Variants in SMIM27 observed in about 807,000 individuals in gnomAD.
The protein encoded by SMIM27 is TOPORS antisense RNA 1 (non-protein coding).
Under a neutral mutation model 1.8 loss-of-function variants are expected in SMIM27, and 3 were observed. The observed-to-expected ratio is 1.65, with a 90% CI of 0.75 to 4.28. The LOEUF is 4.28. Ranked by LOEUF, SMIM27 falls within the 30% of genes most tolerant of loss-of-function variation. The pLI is 0.02. For missense variants in SMIM27, 63 were observed against 37.0 expected (o/e 1.70, Z -1.83); for synonymous variants, 19 against 13.9 (o/e 1.37, Z -0.82).
At chr9:32,551,626 G>T, upstream of SMIM27, 2 of 266,720 alleles carry the variant, frequency 7.5e-6, no homozygotes, top group East Asian at 1.6e-4. Flanking sequence ...AGCCTAAGCG[G>T]CCCGTTGCCA....
chr9:32,566,458 C>T lies in SMIM27; in HGVS notation c.*5C>T, dbSNP rs1463448277. 1.8e-5 allele frequency: 15 copies of T among 812,932 alleles called. No individual in the cohort carries two copies. In the South Asian group the frequency reaches 2.0e-4, roughly 11 times the overall value. The allele number at this position is 812,932 out of a possible 1,614,324, so 50.4% of individuals were successfully genotyped here. A position where few individuals can be genotyped will look rare whatever the true frequency, so the allele number is the denominator to read the frequency against. On this transcript the variant is annotated 3_prime_UTR_variant, in exon 2 of 2. Transcript: ENST00000451672. ...GGGGTTGATGGAGTATCTTGACAAG[C>T]AGCCGTCCATGTCGAAGGGACCCTG... is the stretch of plus-strand genomic sequence containing the variant.
chr9:32,553,153 A>C, downstream of SMIM27: 1 of 408,302 alleles, frequency 2.4e-6, no homozygotes, highest in Middle Eastern at 6.6e-4. Context: ...AGTTGGAATA[A>C]GCTTTTCAAT....
intron 1 of SMIM27, among the ~76,000 whole-genome samples, chr9:32,563,940 T>G (rs1325005265): frequency 6.6e-6 from 1 of 152,212 alleles, no homozygotes; most frequent in African/African-American, 2.4e-5. Flanking sequence ...TCTGGCACAA[T>G]AATATGTTCC....
At chr9:32,556,311 G>C (rs1175659112), downstream of SMIM27, among the ~76,000 whole-genome samples, 1 of 152,204 alleles carries the variant, frequency 6.6e-6, no homozygotes, top group Admixed American at 6.5e-5. Flanking sequence ...GAGCAGAAGT[G>C]ATGTAAGCTA....
At chr9:32,566,139 G>A in intron 1 of SMIM27, 1 of 655,324 alleles carries the variant, frequency 1.5e-6, no homozygotes, top group Non-Finnish European at 2.8e-6. Context: ...AGAATATGGT[G>A]TGTATATGTC....
chr9:32,553,732 T>C (rs1821371801), downstream of SMIM27: 1 of 617,832 alleles, frequency 1.6e-6, no homozygotes, highest in Non-Finnish European at 2.9e-6. Flanking sequence ...AATTACTCAG[T>C]CTCAAATTGT....
chr9:32,551,211 T>G (rs183953517), upstream of SMIM27: 350 of 602,358 alleles, frequency 5.8e-4, 2 homozygotes, highest in African/African-American at 5.7e-3. Context: ...ACTCAGCCAC[T>G]GGGGACACTG....
rs569044736 is a variant in SMIM27 at position 32,558,109 on chromosome 9, T to C, written c.45+5630T>C. ...ATTAGTACTATAGCTCACACATTCA[T>C]AGTATACATTTTTTTTTTTTGAGAC... On this transcript the variant is annotated intron_variant, in intron 1 of 1. Coordinates refer to the SMIM27 transcript ENST00000451672. Among the ~76,000 whole-genome samples, 5 of 137,318 alleles carry C rather than the reference T, an allele frequency of 3.6e-5. 1 individual carries two copies. In the Middle Eastern group the frequency reaches 0.011, roughly 314 times the overall value. 90.1% of individuals were successfully genotyped at this position (137,318 alleles called of 152,430 possible).
At chr9:32,553,351 G>A, downstream of SMIM27, 1 of 167,604 alleles carries the variant, frequency 6.0e-6, no homozygotes, top group Non-Finnish European at 1.3e-5. Context: ...ACCACGCCCG[G>A]CTAATTTTTT....
chr9:32,560,180 TCCTTTA>T (rs1287604117), intron 1 of SMIM27, among the ~76,000 whole-genome samples: 1 of 152,210 alleles, frequency 6.6e-6, no homozygotes, highest in African/African-American at 2.4e-5. Flanking sequence ...GAAGATGCAA[TCCTTTA>T]CCTACCAAAA....
exon 2 of SMIM27, chr9:32,566,603 G>C: frequency 1.3e-6 from 1 of 786,450 alleles, no homozygotes; most frequent in Non-Finnish European, 2.4e-6. Context: ...GGACCCGCAG[G>C]AATTCCTCCT....
At chr9:32,558,257 G>A (rs971857086) in intron 1 of SMIM27, among the ~76,000 whole-genome samples, 8 of 151,854 alleles carry the variant, frequency 5.3e-5, no homozygotes, top group African/African-American at 1.5e-4. Context: ...GACTACAGGC[G>A]CCCGCCACCA....
At chr9:32,559,107 G>A (rs1317475029) in intron 1 of SMIM27, among the ~76,000 whole-genome samples, 1 of 152,100 alleles carries the variant, frequency 6.6e-6, no homozygotes, top group Admixed American at 6.6e-5. Flanking sequence ...TCTCTACTTA[G>A]CTATCAAACA....
At chr9:32,553,411 G>A (rs569721985), downstream of SMIM27, 3 of 175,374 alleles carry the variant, frequency 1.7e-5, no homozygotes, top group South Asian at 1.1e-4. Flanking sequence ...TGATGGTCTC[G>A]ATCTCCTGAC....
At chr9:32,556,913 G>A (rs933813104), downstream of SMIM27, among the ~76,000 whole-genome samples, 4 of 142,598 alleles carry the variant, frequency 2.8e-5, no homozygotes, top group Non-Finnish European at 6.0e-5. Flanking sequence ...GTGCAGTGGC[G>A]CAATCTTGGC....
At chr9:32,557,216 G>C (rs1802459758), downstream of SMIM27, among the ~76,000 whole-genome samples, 1 of 147,474 alleles carries the variant, frequency 6.8e-6, no homozygotes, top group Non-Finnish European at 1.5e-5. Context: ...CCAGGCTGGA[G>C]TGCAGTGGCG....
chr9:32,565,021 G>A (rs1016933134), intron 1 of SMIM27, among the ~76,000 whole-genome samples: 8 of 152,092 alleles, frequency 5.3e-5, no homozygotes, highest in Non-Finnish European at 8.8e-5. Flanking sequence ...GGCCAGGTGC[G>A]GTGGCTCACG....
chr9:32,557,099 C>G (rs1026957249), downstream of SMIM27, among the ~76,000 whole-genome samples: 7 of 150,432 alleles, frequency 4.7e-5, no homozygotes, highest in Admixed American at 2.0e-4. Context: ...CTCAGGTGAT[C>G]CACCTGCCTC....
At chr9:32,562,092 T>C (rs150214706) in intron 1 of SMIM27, among the ~76,000 whole-genome samples, 195 of 152,340 alleles carry the variant, frequency 1.3e-3, no homozygotes, top group African/African-American at 4.5e-3. Context: ...TCAACAGACC[T>C]TCCATTCTAG....
Sources: gnomAD v4.1 joint callset for allele counts (sites outside exome capture counted in the v4.1 genomes callset) on GRCh38, gnomAD v4.1.1 for gene constraint, MANE v1.5 for transcripts, NCBI Gene and HGNC (gene_info 2026-07-23, HGNC 2026-07-21) for gene names.